Variants in PUS7 observed in about 807,000 individuals in gnomAD.
PUS7 encodes pseudouridylate synthase 7 homolog.
In PUS7, 48 loss-of-function variants were observed where a neutral mutation model predicts 79.8. The observed-to-expected ratio is 0.60, with a 90% CI of 0.48 to 0.76. The LOEUF (loss-of-function observed/expected upper bound fraction) is 0.76. PUS7 is among the 30% of genes least tolerant of loss of function. The pLI is 0.00. For missense variants in PUS7, 729 were observed against 797.6 expected, an observed-to-expected ratio of 0.91 and a Z score of 1.04; for synonymous variants, 286 against 272.2, an observed-to-expected ratio of 1.05 and a Z score of -0.50.
rs564983941 is a variant in PUS7, at chr7:105,520,716, C to T, written c.-33+1336G>A. Among the ~76,000 whole-genome samples, 5 of 151,638 alleles carry T rather than the reference C, an allele frequency of 3.3e-5. No homozygotes were observed. The South Asian group carries it at 8.3e-4, about 25-fold the overall frequency. On this transcript the variant is annotated intron_variant, in intron 1 of 15. Coordinates refer to ENST00000469408, the MANE Select transcript of PUS7 (RefSeq NM_019042.5). ...CAGCCTGGGTGATGGAGTGAGACTCCGTCTAAAAAAAATAAATCAAAAAAC... is the reference window on the plus strand; with the variant it reads ...CAGCCTGGGTGATGGAGTGAGACTCTGTCTAAAAAAAATAAATCAAAAAAC...
chr7:105,521,347 C>G (rs1380633338), intron 1 of PUS7, among the ~76,000 whole-genome samples: 2 of 152,200 alleles, frequency 1.3e-5, no homozygotes, highest in Non-Finnish European at 2.9e-5. Context: ...CGGCAGGCAA[C>G]GAAGGTGTGC....
intron 7 of PUS7, among the ~76,000 whole-genome samples, chr7:105,486,223 T>C (rs1308587188): frequency 6.6e-6 from 1 of 151,892 alleles, no homozygotes; most frequent in Non-Finnish European, 1.5e-5. Context: ...CAGCTAATTT[T>C]TGTAATTTTA....
At chr7:105,499,765 A>C (rs1199658961) in intron 5 of PUS7, among the ~76,000 whole-genome samples, 2 of 152,224 alleles carry the variant, frequency 1.3e-5, no homozygotes, top group Non-Finnish European at 2.9e-5. Flanking sequence ...TAGATAATGC[A>C]TAATAACAAT....
At chr7:105,458,648 C>T in intron 15 of PUS7, among the ~76,000 whole-genome samples, 1 of 149,898 alleles carries the variant, frequency 6.7e-6, no homozygotes. Context: ...TCTTGGCTCA[C>T]TACAAGCTCC....
chr7:105,518,086 C>A (rs946094037), intron 1 of PUS7, among the ~76,000 whole-genome samples: 2 of 151,240 alleles, frequency 1.3e-5, no homozygotes, highest in African/African-American at 4.9e-5. Flanking sequence ...AGACAGAAGT[C>A]GCAGTGAGCC....
chr7:105,492,617 T>G (rs1392021529), intron 6 of PUS7, among the ~76,000 whole-genome samples: 1 of 148,708 alleles, frequency 6.7e-6, no homozygotes, highest in Non-Finnish European at 1.5e-5. Flanking sequence ...GCCATTCTCC[T>G]GCCTCAGCCT....
At chr7:105,516,697 A>T (rs1825908217) in intron 1 of PUS7, among the ~76,000 whole-genome samples, 1 of 139,502 alleles carries the variant, frequency 7.2e-6, no homozygotes, top group Admixed American at 7.1e-5. Flanking sequence ...CAGGTGATCC[A>T]TCCACCTCGA....
Position 105,482,458 on chromosome 7 carries a change from A to T in PUS7, c.921-18T>A. 1 of 1,576,158 alleles carries T rather than the reference A, an allele frequency of 6.3e-7. No homozygotes were observed. Among genetic ancestry groups the T allele is most frequent in the Middle Eastern group, 1.8e-4 (1 of 5,686 alleles). On this transcript the variant is annotated intron_variant, in intron 7 of 15. Coordinates refer to ENST00000469408, the MANE Select transcript of PUS7 (RefSeq NM_019042.5). ...CAGTTATTCTTTAAAAAAAAAAAAAAAAGCAACAAAACAAAAAAGAGTAGA... is the reference window on the plus strand; with the variant it reads ...CAGTTATTCTTTAAAAAAAAAAAAATAAGCAACAAAACAAAAAAGAGTAGA...
chr7:105,481,185 G>A lies in PUS7; in HGVS notation c.1050-8C>T. ...TCAGTTCCTGTTATATTTCTACAGG[G>A]ACACAAATTATCCAGAGGAAAAAAA... On this transcript the variant is annotated splice_region_variant and splice_polypyrimidine_tract_variant and intron_variant, in intron 8 of 15. Transcript: ENST00000469408. 1 of 1,602,568 alleles carries A rather than the reference G, an allele frequency of 6.2e-7. No homozygotes were observed. Among genetic ancestry groups the A allele is most frequent in the Non-Finnish European group, 8.5e-7 (1 of 1,175,498 alleles).
chr7:105,489,147 C>CAAAAAAAA (rs762504334), intron 7 of PUS7, among the ~76,000 whole-genome samples: 31 of 32,952 alleles, frequency 9.4e-4, no homozygotes, highest in Admixed American at 1.4e-3. Flanking sequence ...AACTCCATCT[C>CAAAAAAAA]AAAAAAAAAA....
At chr7:105,513,072 C>T (rs1427192235) in intron 1 of PUS7, among the ~76,000 whole-genome samples, 6 of 152,150 alleles carry the variant, frequency 3.9e-5, no homozygotes, top group Non-Finnish European at 8.8e-5. Flanking sequence ...ACCCATAGTC[C>T]TGTGGTGTTG....
At chr7:105,517,662 C>T (rs1825948566) in intron 1 of PUS7, among the ~76,000 whole-genome samples, 1 of 151,978 alleles carries the variant, frequency 6.6e-6, no homozygotes, top group African/African-American at 2.4e-5. Flanking sequence ...GCTAACAGGG[C>T]GGCTGAGGCA....
At chr7:105,490,253 G>A (rs1347697411) in intron 7 of PUS7, among the ~76,000 whole-genome samples, 2 of 152,084 alleles carry the variant, frequency 1.3e-5, no homozygotes, top group Non-Finnish European at 2.9e-5. Flanking sequence ...TTTGACATGT[G>A]TATAAGCCCA....
intron 1 of PUS7, among the ~76,000 whole-genome samples, chr7:105,515,413 G>A (rs1825856188): frequency 6.6e-6 from 1 of 152,040 alleles, no homozygotes; most frequent in Non-Finnish European, 1.5e-5. Context: ...CTTTGCACTT[G>A]AATAATTTCT....
At chr7:105,491,081 C>A (rs1182426407) in intron 7 of PUS7, among the ~76,000 whole-genome samples, 1 of 152,232 alleles carries the variant, frequency 6.6e-6, no homozygotes, top group Non-Finnish European at 1.5e-5. Context: ...CACATCAACT[C>A]CCATGCTTGT....
intron 5 of PUS7, chr7:105,496,907 A>C (rs1825058410): frequency 8.7e-7 from 1 of 1,153,378 alleles, no homozygotes; most frequent in Non-Finnish European, 1.1e-6. Context: ...TTGTGACAAA[A>C]TCTTTGGCAT....
At position 105,509,184 on chromosome 7, in the gene PUS7, C is replaced by CAAAAAAAAAAAAAAAAAAAAA. The variant is rs57095427; in HGVS notation, c.-32-661_-32-641dup. 6.8e-4 allele frequency among the ~76,000 whole-genome samples: 38 copies of CAAAAAAAAAAAAAAAAAAAAA among 55,710 alleles called. 1 individual carries two copies. The highest frequency in any genetic ancestry group is 1.6e-3 in the African/African-American group (18 of 11,202). 36.5% of individuals were successfully genotyped at this position (55,710 alleles called of 152,430 possible). The stretch of plus-strand genomic sequence containing the variant: ...GGGGGACCAGAGCAAGACTCCATCT[C>CAAAAAAAAAAAAAAAAAAAAA]AAAAAAAAAAAAAAAAAAAAAAAAA... On this transcript the variant is annotated intron_variant, in intron 1 of 15. Transcript: ENST00000469408.
chr7:105,478,959 G>A (rs77519777), intron 9 of PUS7, among the ~76,000 whole-genome samples: 1 of 151,998 alleles, frequency 6.6e-6, no homozygotes, highest in Non-Finnish European at 1.5e-5. Flanking sequence ...GGATTCCATG[G>A]CTGTCCTTCT....
intron 9 of PUS7, among the ~76,000 whole-genome samples, chr7:105,480,088 A>C (rs1037976990): frequency 4.6e-5 from 7 of 152,246 alleles, no homozygotes; most frequent in African/African-American, 1.7e-4. Context: ...AGAAAATGTG[A>C]CATCTCTGTC....
Sources: allele counts gnomAD v4.1 joint callset (sites outside exome capture counted in the v4.1 genomes callset), GRCh38; gene constraint gnomAD v4.1.1; transcripts MANE v1.5; gene names NCBI Gene and HGNC (gene_info 2026-07-23, HGNC 2026-07-21).